CSMD1: variants seen among roughly 807,000 people sequenced by gnomAD.
The protein encoded by CSMD1 is CUB and sushi domain-containing protein 1.
In CSMD1, 213 loss-of-function variants were observed where a neutral mutation model predicts 417.5. The observed-to-expected ratio is 0.51, with a 90% CI of 0.46 to 0.57. The LOEUF (loss-of-function observed/expected upper bound fraction) is 0.57, where lower values mean the gene tolerates loss of function less well. Ranked by LOEUF, CSMD1 falls within the 20% of genes least tolerant of loss-of-function variation. The pLI, the probability that CSMD1 is intolerant of heterozygous loss-of-function variation, is 0.00. For missense variants in CSMD1, 6,923 were observed against 4,529.7 expected, an observed-to-expected ratio of 1.53 and a Z score of -15.17; for synonymous variants, 2,862 against 1,736.8, an observed-to-expected ratio of 1.65 and a Z score of -16.11.
chr8:3,260,927 T>A (rs1028191995), intron 26 of CSMD1, among the ~76,000 whole-genome samples: 2 of 152,070 alleles, frequency 1.3e-5, no homozygotes, highest in East Asian at 1.9e-4. Context: ...CTTAAAAATA[T>A]AAAGAATGCT....
chr8:2,941,452 T>C (rs1181929006), intron 69 of CSMD1, among the ~76,000 whole-genome samples: 1 of 152,254 alleles, frequency 6.6e-6, no homozygotes, highest in Non-Finnish European at 1.5e-5. Context: ...ATTTATTTCT[T>C]ATTATTTGTA....
intron 2 of CSMD1, among the ~76,000 whole-genome samples, chr8:4,581,993 A>C (rs1437816373): frequency 1.3e-5 from 2 of 152,198 alleles, no homozygotes; most frequent in Non-Finnish European, 2.9e-5. Context: ...GATGGCTAAA[A>C]TCTCAGTAGC....
At chr8:3,403,103 T>G (rs1331407551) in intron 15 of CSMD1, among the ~76,000 whole-genome samples, 2 of 152,232 alleles carry the variant, frequency 1.3e-5, no homozygotes, top group Non-Finnish European at 2.9e-5. Flanking sequence ...CTACTTTAAT[T>G]GGAATATTAC....
intron 1 of CSMD1, among the ~76,000 whole-genome samples, chr8:4,855,188 C>T (rs531159812): frequency 2.0e-5 from 3 of 150,016 alleles, no homozygotes; most frequent in South Asian, 2.2e-4. Flanking sequence ...CTCCAACAGA[C>T]CTGCAGCTGA....
chr8:3,497,556 TA>T (rs1796418869), intron 10 of CSMD1, among the ~76,000 whole-genome samples: 1 of 152,148 alleles, frequency 6.6e-6, no homozygotes, highest in Non-Finnish European at 1.5e-5. Flanking sequence ...AGGGTCAATA[TA>T]CCCAGCCATT....
chr8:3,997,773 G>A (rs888303001), intron 5 of CSMD1, 130 bp downstream of exon 5: 2 of 783,778 alleles, frequency 2.6e-6, no homozygotes, highest in South Asian at 1.8e-5. Flanking sequence ...AGCCAAAAGA[G>A]CAAGGCGAAA....
chr8:3,521,278 T>C lies in CSMD1; in HGVS notation c.1345-27552A>G, dbSNP rs117860894. The stretch of plus-strand genomic sequence containing the variant: ...ATTCGTCCAATCTGCTTCCTCCCTG[T>C]GCTCAGAGCCAAGTTAATGACTTAC... On this transcript the variant is annotated intron_variant, in intron 10 of 69. Transcript: ENST00000635120. 1.2e-3 allele frequency among the ~76,000 whole-genome samples: 188 copies of C among 152,338 alleles called. 1 individual carries two copies. The highest frequency in any genetic ancestry group is 4.3e-3 in the African/African-American group (177 of 41,580).
At chr8:3,673,920 C>G (rs150167874) in intron 7 of CSMD1, among the ~76,000 whole-genome samples, 8 of 152,142 alleles carry the variant, frequency 5.3e-5, no homozygotes, top group Non-Finnish European at 1.0e-4. Context: ...CAGTTTCAGA[C>G]GAGCCTGGGC....
intron 6 of CSMD1, among the ~76,000 whole-genome samples, chr8:3,720,029 T>C (rs537403946): frequency 3.2e-4 from 48 of 152,322 alleles, no homozygotes; most frequent in Admixed American, 5.2e-4. Context: ...GTGCAATGTC[T>C]AGCCTGTGTG....
Position 4,934,457 on chromosome 8 carries a change from A to G in CSMD1, c.85+59875T>C, listed in dbSNP as rs182499710. On this transcript the variant is annotated intron_variant, in intron 1 of 69. Coordinates refer to ENST00000635120, the MANE Select transcript of CSMD1 (RefSeq NM_033225.6). ...TTTTGCAAACCTCTAGCTTGTATTCACATCAACACTCCACTGAGTTATAGA... is the reference window on the plus strand; with the variant it reads ...TTTTGCAAACCTCTAGCTTGTATTCGCATCAACACTCCACTGAGTTATAGA... Among the ~76,000 whole-genome samples the G allele has an allele frequency of 6.6e-5, 10 of 152,322 alleles. No homozygotes were observed. In the East Asian group the frequency reaches 1.9e-3, roughly 29 times the overall value.
intron 3 of CSMD1, among the ~76,000 whole-genome samples, chr8:4,088,678 A>T (rs190946168): frequency 3.9e-5 from 6 of 152,018 alleles, no homozygotes; most frequent in Admixed American, 3.9e-4. Context: ...CCTTCAGCTC[A>T]TTCCTCAGTT....
At chr8:4,584,097 A>G (rs927543241) in intron 2 of CSMD1, among the ~76,000 whole-genome samples, 1 of 151,994 alleles carries the variant, frequency 6.6e-6, no homozygotes, top group Non-Finnish European at 1.5e-5. Context: ...CGAACCCACT[A>G]GAAGGAAGAA....
At chr8:4,283,084 C>G (rs969716430) in intron 3 of CSMD1, among the ~76,000 whole-genome samples, 8 of 152,192 alleles carry the variant, frequency 5.3e-5, no homozygotes, top group African/African-American at 1.7e-4. Context: ...AGGTCAACAT[C>G]CTGTTTTTTA....
At chr8:4,951,080 A>T (rs959475610) in intron 1 of CSMD1, among the ~76,000 whole-genome samples, 2 of 152,180 alleles carry the variant, frequency 1.3e-5, no homozygotes, top group African/African-American at 4.8e-5. Flanking sequence ...TAAATGAAGA[A>T]TGAGATTTAG....
intron 3 of CSMD1, among the ~76,000 whole-genome samples, chr8:4,132,209 TTTTTTTC>T (rs1366446340): frequency 6.0e-5 from 3 of 50,062 alleles, no homozygotes; most frequent in Non-Finnish European, 1.5e-4. Flanking sequence ...TTTTTTTTTT[TTTTTTTC>T]ACGGGGTAGT....
chr8:3,989,790 G>A (rs1332011823), intron 5 of CSMD1, among the ~76,000 whole-genome samples: 1 of 152,176 alleles, frequency 6.6e-6, no homozygotes, highest in Non-Finnish European at 1.5e-5. Context: ...GATGTATTAA[G>A]CTTGGATAGC....
intron 6 of CSMD1, among the ~76,000 whole-genome samples, chr8:3,710,293 A>T (rs1009376355): frequency 5.3e-5 from 8 of 152,086 alleles, no homozygotes; most frequent in African/African-American, 1.9e-4. Context: ...TGTATAAATA[A>T]ATCTATCTAT....
intron 33 of CSMD1, among the ~76,000 whole-genome samples, chr8:3,196,746 C>G (rs1419261224): frequency 1.3e-5 from 2 of 152,196 alleles, no homozygotes; most frequent in Admixed American, 6.5e-5. Context: ...GTTGGTAATG[C>G]AGGTCACTCA....
At chr8:4,115,964 TTTTATTTATTTATTTATTTATTTA>T (rs35791469) in intron 3 of CSMD1, among the ~76,000 whole-genome samples, 90 of 134,312 alleles carry the variant, frequency 6.7e-4, no homozygotes, top group Admixed American at 1.2e-3. Context: ...GTTTTCATTA[TTTTATTTATTTATTTATTTATTTA>T]TTTATTTATT....
Sources: allele counts gnomAD v4.1 joint callset (sites outside exome capture counted in the v4.1 genomes callset), GRCh38; gene constraint gnomAD v4.1.1; transcripts MANE v1.5; gene names NCBI Gene and HGNC (gene_info 2026-07-23, HGNC 2026-07-21).